Variants in DYNLRB1 observed in about 807,000 individuals in gnomAD.
DYNLRB1 encodes the protein ROBL/LC7-like 1.
Under a neutral mutation model 13.5 loss-of-function variants are expected in DYNLRB1, and 6 were observed. That is an observed-to-expected ratio of 0.44 (90% CI 0.24 to 0.88). The LOEUF (loss-of-function observed/expected upper bound fraction) is 0.88, where lower values mean the gene tolerates loss of function less well. Ranked by LOEUF, DYNLRB1 falls within the 40% of genes least tolerant of loss-of-function variation. The probability of loss-of-function intolerance (pLI) is 0.21; values close to 1 mark genes in which losing one functional copy is unlikely to be tolerated. For missense variants in DYNLRB1, 93 were observed against 127.2 expected (o/e 0.73, Z 1.29); for synonymous variants, 43 against 45.0 (o/e 0.96, Z 0.18).
intron 3 of DYNLRB1, among the ~76,000 whole-genome samples, chr20:34,538,124 A>ATTTTTT (rs538105358): frequency 8.7e-5 from 7 of 80,066 alleles, no homozygotes; most frequent in African/African-American, 3.1e-4. Flanking sequence ...CACACCCAGC[A>ATTTTTT]TTTTTTTTTT....
chr20:34,527,205 C>T (rs1172300899), intron 2 of DYNLRB1, among the ~76,000 whole-genome samples: 2 of 152,128 alleles, frequency 1.3e-5, no homozygotes, highest in African/African-American at 2.4e-5. Context: ...TGCTTTCTCC[C>T]GCGCCAGGCT....
chr20:34,539,531 T>C (rs550066928), intron 3 of DYNLRB1, among the ~76,000 whole-genome samples: 2 of 152,122 alleles, frequency 1.3e-5, no homozygotes, highest in East Asian at 3.9e-4. Flanking sequence ...CTTTTTTTTT[T>C]TCTTAATGGA....
At chr20:34,540,395 C>A (rs895468664) in intron 3 of DYNLRB1, among the ~76,000 whole-genome samples, 186 bp from the exon 4 acceptor site, 65 of 152,280 alleles carry the variant, frequency 4.3e-4, no homozygotes, top group African/African-American at 1.4e-3. Flanking sequence ...TGCAGGAGCC[C>A]CTGCAGGAAT....
At chr20:34,516,769 T>G (rs1173128963) in intron 1 of DYNLRB1, 3 of 1,550,078 alleles carry the variant, frequency 1.9e-6, no homozygotes, top group South Asian at 2.4e-5. Context: ...GGGGCCTTGG[T>G]GCGCGATGGC....
chr20:34,518,399 C>T (rs775103814), intron 1 of DYNLRB1, among the ~76,000 whole-genome samples: 10 of 151,830 alleles, frequency 6.6e-5, no homozygotes, highest in Non-Finnish European at 1.2e-4. Flanking sequence ...TACTTGCACA[C>T]AGTAAAAAAA....
chr20:34,518,847 T>C (rs1979482871), intron 1 of DYNLRB1, among the ~76,000 whole-genome samples: 1 of 152,164 alleles, frequency 6.6e-6, no homozygotes, highest in East Asian at 1.9e-4. Flanking sequence ...TGCTACTCCG[T>C]GGTTATACTC....
chr20:34,525,189 C>CA (rs1980095427), intron 1 of DYNLRB1, among the ~76,000 whole-genome samples: 1 of 152,072 alleles, frequency 6.6e-6, no homozygotes, highest in East Asian at 1.9e-4. Context: ...ATCCCCCCCC[C>CA]CATTTCTTTT....
chr20:34,521,800 A>T (rs1979742383), intron 1 of DYNLRB1, among the ~76,000 whole-genome samples: 1 of 152,172 alleles, frequency 6.6e-6, no homozygotes, highest in South Asian at 2.1e-4. Context: ...TAGTCCCAAC[A>T]GTTTGGGAGG....
intron 1 of DYNLRB1, among the ~76,000 whole-genome samples, chr20:34,522,424 G>A (rs1979797922): frequency 6.7e-6 from 1 of 149,514 alleles, no homozygotes; most frequent in Non-Finnish European, 1.5e-5. Flanking sequence ...AGATGTGTGA[G>A]ATGTGTGTTT....
chr20:34,535,758 C>T, intron 3 of DYNLRB1: 2 of 985,132 alleles, frequency 2.0e-6, no homozygotes, highest in Non-Finnish European at 2.4e-6. Context: ...GGCTTTGGTC[C>T]AGTTTAGAAG....
At chr20:34,516,392 G>C, upstream of DYNLRB1, 1 of 1,597,834 alleles carries the variant, frequency 6.3e-7, no homozygotes, top group East Asian at 2.3e-5. Context: ...AGAAACCTTT[G>C]CGCAGGCGCA....
chr20:34,525,349 C>T (rs1056533058), intron 1 of DYNLRB1, among the ~76,000 whole-genome samples: 2 of 152,264 alleles, frequency 1.3e-5, no homozygotes, highest in South Asian at 2.1e-4. Context: ...TTCAGTTAAG[C>T]GGTGTTTATC....
intron 2 of DYNLRB1, among the ~76,000 whole-genome samples, chr20:34,527,375 A>G (rs1980308505): frequency 6.6e-6 from 1 of 152,176 alleles, no homozygotes; most frequent in African/African-American, 2.4e-5. Flanking sequence ...GATAATACTT[A>G]TATCTACCTT....
At chr20:34,530,827 T>C (rs540786134) in intron 2 of DYNLRB1, 1 of 152,252 alleles carries the variant, frequency 6.6e-6, no homozygotes, top group Non-Finnish European at 1.5e-5. Context: ...GCTGCCTCTT[T>C]CTTGAGGACA....
intron 1 of DYNLRB1, among the ~76,000 whole-genome samples, chr20:34,526,023 A>C (rs888800381): frequency 6.6e-6 from 1 of 152,192 alleles, no homozygotes; most frequent in Non-Finnish European, 1.5e-5. Flanking sequence ...GTGGGATAAT[A>C]GTGCCTGGTG....
Position 34,516,441 on chromosome 20 carries a change from C to A in DYNLRB1, c.-18C>A. The A allele has an allele frequency of 6.2e-7, 1 of 1,613,350 alleles. No individual in the cohort carries two copies. The highest frequency in any genetic ancestry group is 1.1e-5 in the South Asian group (1 of 90,974). On this transcript the variant is annotated 5_prime_UTR_variant, in exon 1 of 4. Transcript: ENST00000357156. ...CTCGCTAAGTGTTCGCTACGCGGGG[C>A]TACCGGATCGGTCGGAAATGGTGAG...
chr20:34,531,488 C>G (rs964887832), intron 2 of DYNLRB1, among the ~76,000 whole-genome samples: 15 of 152,182 alleles, frequency 9.9e-5, no homozygotes, highest in African/African-American at 3.6e-4. Context: ...GGTCCTTGGC[C>G]CTGTACTTCC....
At chr20:34,534,319 G>A (rs1980950283) in intron 2 of DYNLRB1, among the ~76,000 whole-genome samples, 1 of 152,234 alleles carries the variant, frequency 6.6e-6, no homozygotes, top group African/African-American at 2.4e-5. Context: ...AAGGAACCCA[G>A]GAGTGAGCCA....
At chr20:34,520,593 G>A (rs891643317) in intron 1 of DYNLRB1, among the ~76,000 whole-genome samples, 1 of 151,592 alleles carries the variant, frequency 6.6e-6, no homozygotes, top group Non-Finnish European at 1.5e-5. Context: ...ATTAACAGGT[G>A]TGCATCATGA....
Sources: allele counts gnomAD v4.1 joint callset (sites outside exome capture counted in the v4.1 genomes callset), GRCh38; gene constraint gnomAD v4.1.1; transcripts MANE v1.5; gene names NCBI Gene and HGNC (gene_info 2026-07-23, HGNC 2026-07-21).